STAB2: variants seen among roughly 807,000 people sequenced by gnomAD.
STAB2 encodes stabilin-2.
In STAB2, 288 loss-of-function variants were observed where a neutral mutation model predicts 338.1. The observed-to-expected ratio is 0.85, with a 90% CI of 0.77 to 0.94. The LOEUF (loss-of-function observed/expected upper bound fraction) is 0.94. STAB2 is among the 40% of genes least tolerant of loss of function. The pLI, the probability that STAB2 is intolerant of heterozygous loss-of-function variation, is 0.00. For synonymous variants in STAB2, 1,202 were observed against 1,193.3 expected (o/e 1.01, Z -0.15); for missense variants, 3,141 against 3,210.1 (o/e 0.98, Z 0.52).
At position 103,695,817 on chromosome 12, in the gene STAB2, C is replaced by T; in HGVS notation, c.3555C>T (p.Tyr1185=). The T allele has an allele frequency of 1.2e-6, 2 of 1,614,160 alleles. No individual in the cohort carries two copies. Among genetic ancestry groups the T allele is most frequent in the East Asian group, 2.2e-5 (1 of 44,884 alleles). ...CAAACAACAATGCCATCGAGAATTA[C>T]ATCAGGGAGAAGAAAGTCTTGTCTC... ...FAPNNNAIEN[Y]IREKKVLSLE... is the part of the protein sequence containing the mutation. The change falls in exon 33 of 69, where the codon TAC becomes TAT. Residue 1185 remains tyrosine (Y), a synonymous_variant. Transcript: ENST00000388887.
At chr12:103,714,712 C>T (rs1390209859) in intron 42 of STAB2, among the ~76,000 whole-genome samples, 1 of 151,992 alleles carries the variant, frequency 6.6e-6, no homozygotes, top group Non-Finnish European at 1.5e-5. Context: ...ACCATTTAGC[C>T]CTGTTTATCA....
At chr12:103,758,878 T>C (rs1234123656) in intron 64 of STAB2, among the ~76,000 whole-genome samples, 1 of 152,164 alleles carries the variant, frequency 6.6e-6, no homozygotes, top group Non-Finnish European at 1.5e-5. Flanking sequence ...TACCTCTGCC[T>C]ACCTCAAGAC....
At chr12:103,686,361 A>G (rs1877431689) in intron 27 of STAB2, among the ~76,000 whole-genome samples, 1 of 152,116 alleles carries the variant, frequency 6.6e-6, no homozygotes, top group Admixed American at 6.5e-5. Context: ...CACATAAATC[A>G]CAACATTTTC....
At chr12:103,751,517 G>A (rs936395908) in intron 60 of STAB2, among the ~76,000 whole-genome samples, 5 of 152,156 alleles carry the variant, frequency 3.3e-5, no homozygotes, top group East Asian at 1.9e-4. Context: ...GGAAGGTGAC[G>A]AGAGGTTTGA....
At chr12:103,708,281 G>T (rs1013251670) in intron 38 of STAB2, among the ~76,000 whole-genome samples, 160 bp from the exon 39 acceptor site, 7 of 152,202 alleles carry the variant, frequency 4.6e-5, no homozygotes, top group African/African-American at 1.7e-4. Context: ...TCTGTCTCCT[G>T]CACCCCTGCC....
chr12:103,683,517 G>T (rs1877122035), intron 26 of STAB2, among the ~76,000 whole-genome samples: 1 of 152,036 alleles, frequency 6.6e-6, no homozygotes. Flanking sequence ...CAGAAGTTCT[G>T]GTTAAATTTA....
At chr12:103,682,667 AG>A (rs1877026387) in intron 25 of STAB2, among the ~76,000 whole-genome samples, 1 of 152,124 alleles carries the variant, frequency 6.6e-6, no homozygotes, top group African/African-American at 2.4e-5. Context: ...ATTCAGGAAG[AG>A]GCTGGGCGTG....
chr12:103,653,904 T>C (rs11111704), intron 12 of STAB2, among the ~76,000 whole-genome samples: 31,814 of 147,922 alleles, frequency 0.22, 3,631 homozygotes, highest in South Asian at 0.38. Context: ...GATGCATGGA[T>C]AGGTGGATGG....
intron 67 of STAB2, 61 bp downstream of exon 67, chr12:103,762,463 C>T: frequency 6.2e-7 from 1 of 1,610,188 alleles, no homozygotes; most frequent in Non-Finnish European, 8.5e-7. Flanking sequence ...GTCCCTGGAC[C>T]TGGGCTGCTT....
intron 3 of STAB2, among the ~76,000 whole-genome samples, chr12:103,616,710 G>A (rs536807695): frequency 6.6e-6 from 1 of 152,196 alleles, no homozygotes; most frequent in Non-Finnish European, 1.5e-5. Context: ...GAACAAGAGA[G>A]GGAAATAGTT....
chr12:103,670,661 T>C (rs1875680911), intron 21 of STAB2, 35 bp from the exon 22 acceptor site: 3 of 1,534,264 alleles, frequency 2.0e-6, no homozygotes, highest in Admixed American at 1.7e-5. Context: ...GAACTATGTG[T>C]CCTAATGGCC....
chr12:103,689,212 G>A (rs986305959), intron 28 of STAB2, among the ~76,000 whole-genome samples: 1 of 152,218 alleles, frequency 6.6e-6, no homozygotes, highest in Non-Finnish European at 1.5e-5. Flanking sequence ...GCTGGGCGCA[G>A]TGGCTCATGC....
At chr12:103,594,234 AATT>A (rs1247708919) in intron 2 of STAB2, among the ~76,000 whole-genome samples, 158 bp from the exon 3 acceptor site, 7 of 152,170 alleles carry the variant, frequency 4.6e-5, no homozygotes, top group African/African-American at 1.4e-4. Context: ...AAATAATCAT[AATT>A]AAGTTTTATG....
intron 5 of STAB2, among the ~76,000 whole-genome samples, chr12:103,624,939 T>C (rs1384334006): frequency 0.031 from 560 of 18,028 alleles, 3 homozygotes; most frequent in African/African-American, 0.13. Flanking sequence ...AGACTCCATC[T>C]CAAAAAAAAA....
At chr12:103,760,426 GA>G (rs1884454127) in intron 65 of STAB2, among the ~76,000 whole-genome samples, 1 of 152,100 alleles carries the variant, frequency 6.6e-6, no homozygotes. Flanking sequence ...ACACTCAGCT[GA>G]TTTTTGTATT....
At chr12:103,613,368 G>C (rs935736070) in intron 3 of STAB2, among the ~76,000 whole-genome samples, 11 of 152,174 alleles carry the variant, frequency 7.2e-5, no homozygotes, top group Non-Finnish European at 1.5e-4. Flanking sequence ...TTGTTTACCT[G>C]CTGAAGCCTC....
chr12:103,742,706 C>A, intron 56 of STAB2, 152 bp downstream of exon 56: 1 of 1,301,668 alleles, frequency 7.7e-7, no homozygotes, highest in Non-Finnish European at 1.1e-6. Context: ...TTTATTTCCT[C>A]CTTGGATGCA....
At chr12:103,613,183 G>A (rs531480697) in intron 3 of STAB2, among the ~76,000 whole-genome samples, 122 of 152,286 alleles carry the variant, frequency 8.0e-4, no homozygotes, top group Non-Finnish European at 1.1e-3. Context: ...CTCAAGCTGC[G>A]TGCTGGGAGA....
intron 51 of STAB2, among the ~76,000 whole-genome samples, chr12:103,733,869 T>C (rs760825112): frequency 2.0e-5 from 3 of 148,956 alleles, no homozygotes; most frequent in Middle Eastern, 3.7e-3. Context: ...CATGATCATA[T>C]AGGAGCAAGC....
Sources: gnomAD v4.1 joint callset for allele counts (sites outside exome capture counted in the v4.1 genomes callset) on GRCh38, gnomAD v4.1.1 for gene constraint, MANE v1.5 for transcripts, NCBI Gene and HGNC (gene_info 2026-07-23, HGNC 2026-07-21) for gene names.